CNTNAP2: variants seen among roughly 807,000 people sequenced by gnomAD.
CNTNAP2 encodes the protein contactin-associated protein-like 2.
CNTNAP2 carries 98 observed loss-of-function variants against 155.2 expected under a neutral mutation model. That is an observed-to-expected ratio of 0.63 (90% CI 0.54 to 0.75). The LOEUF is 0.75. Among genes scored for constraint, CNTNAP2 ranks in the 30% least tolerant of loss-of-function variants. The pLI is 0.00. For missense variants in CNTNAP2, 1,727 were observed against 1,688.1 expected (o/e 1.02, Z -0.40); for synonymous variants, 651 against 631.2 (o/e 1.03, Z -0.47).
intron 17 of CNTNAP2, among the ~76,000 whole-genome samples, chr7:148,165,081 G>A (rs1343477628): frequency 1.3e-5 from 2 of 152,148 alleles, no homozygotes; most frequent in African/African-American, 4.8e-5. Context: ...TGCCCTAACA[G>A]AATACCATAG....
intron 4 of CNTNAP2, among the ~76,000 whole-genome samples, chr7:147,096,780 G>A (rs1018543180): frequency 6.6e-6 from 1 of 152,172 alleles, no homozygotes; most frequent in East Asian, 1.9e-4. Flanking sequence ...GTGTGCAGGT[G>A]TCATGAAGTA....
At chr7:147,157,776 T>C (rs10085560) in intron 8 of CNTNAP2, among the ~76,000 whole-genome samples, 9,717 of 152,210 alleles carry the variant, frequency 0.064, 325 homozygotes, top group African/African-American at 0.086. Flanking sequence ...AATGAATGAA[T>C]AAATGGTATG....
chr7:147,536,915 A>G (rs565990007), intron 11 of CNTNAP2, among the ~76,000 whole-genome samples: 18 of 152,272 alleles, frequency 1.2e-4, no homozygotes, highest in African/African-American at 4.1e-4. Context: ...CCTCTTCTAA[A>G]GTCACATAAA....
chr7:146,791,230 G>C (rs868289733), intron 2 of CNTNAP2, among the ~76,000 whole-genome samples: 2 of 152,032 alleles, frequency 1.3e-5, no homozygotes, highest in South Asian at 4.1e-4. Context: ...TGAGAATGGC[G>C]GTTTCCAGCT....
intron 3 of CNTNAP2, among the ~76,000 whole-genome samples, chr7:147,016,095 A>G (rs207468756): frequency 2.0e-5 from 3 of 152,100 alleles, no homozygotes; most frequent in African/African-American, 7.2e-5. Context: ...ATAATTTTCT[A>G]TCTGAGTTCT....
chr7:146,766,397 G>T (rs764603695), intron 1 of CNTNAP2, among the ~76,000 whole-genome samples: 5 of 152,112 alleles, frequency 3.3e-5, no homozygotes, highest in Non-Finnish European at 7.4e-5. Context: ...AACATTTCAT[G>T]TAAATTCTTA....
chr7:147,588,217 A>G (rs200924743), intron 12 of CNTNAP2, among the ~76,000 whole-genome samples: 6 of 137,284 alleles, frequency 4.4e-5, no homozygotes, highest in Admixed American at 4.4e-4. Flanking sequence ...AAAACAAAAC[A>G]AAACGAAACA....
At chr7:146,716,903 T>A (rs1801197879) in intron 1 of CNTNAP2, among the ~76,000 whole-genome samples, 1 of 152,182 alleles carries the variant, frequency 6.6e-6, no homozygotes, top group Non-Finnish European at 1.5e-5. Flanking sequence ...GATAATAAAA[T>A]GTCTTTAATA....
At chr7:148,026,967 T>C (rs1802387634) in intron 15 of CNTNAP2, among the ~76,000 whole-genome samples, 2 of 152,194 alleles carry the variant, frequency 1.3e-5, no homozygotes, top group South Asian at 4.1e-4. Context: ...TTGTTGTTGT[T>C]GTTGTTTTTT....
intron 10 of CNTNAP2, among the ~76,000 whole-genome samples, chr7:147,441,813 TTCTC>T (rs568227936): frequency 0.036 from 3,652 of 102,088 alleles, 60 homozygotes; most frequent in Middle Eastern, 0.075. Flanking sequence ...TGTAGTCTCT[TTCTC>T]TCTCTCTCTC....
chr7:146,348,969 C>A (rs1054686810), intron 1 of CNTNAP2, among the ~76,000 whole-genome samples: 19 of 151,966 alleles, frequency 1.3e-4, no homozygotes, highest in African/African-American at 4.3e-4. Flanking sequence ...TATTACCCTT[C>A]CTTTTTATTG....
At chr7:147,758,499 G>A (rs1797250283) in intron 13 of CNTNAP2, among the ~76,000 whole-genome samples, 1 of 152,156 alleles carries the variant, frequency 6.6e-6, no homozygotes, top group South Asian at 2.1e-4. Context: ...AGTTGGGGTA[G>A]GGAGAGGTGA....
At chr7:148,002,724 G>A (rs545574258) in intron 15 of CNTNAP2, among the ~76,000 whole-genome samples, 28 of 152,178 alleles carry the variant, frequency 1.8e-4, no homozygotes, top group African/African-American at 6.0e-4. Flanking sequence ...TTCTTTGTAC[G>A]ACCTAAGCTC....
At chr7:148,237,250 A>G (rs536697445) in intron 20 of CNTNAP2, among the ~76,000 whole-genome samples, 30 of 152,348 alleles carry the variant, frequency 2.0e-4, no homozygotes, top group Admixed American at 1.8e-3. Flanking sequence ...TCTTTCCCAC[A>G]TAATAGTAAA....
At chr7:148,361,438 A>G (rs1421059832) in intron 21 of CNTNAP2, among the ~76,000 whole-genome samples, 1 of 152,138 alleles carries the variant, frequency 6.6e-6, no homozygotes, top group Non-Finnish European at 1.5e-5. Flanking sequence ...TCCGGAGCCC[A>G]GAGCTCTGAA....
intron 13 of CNTNAP2, among the ~76,000 whole-genome samples, chr7:147,769,299 G>A (rs1797430180): frequency 6.6e-6 from 1 of 152,102 alleles, no homozygotes; most frequent in Admixed American, 6.6e-5. Flanking sequence ...CTTCTGAACA[G>A]CACATACTAT....
intron 13 of CNTNAP2, among the ~76,000 whole-genome samples, chr7:147,864,581 G>T (rs1051251666): frequency 3.2e-4 from 48 of 152,152 alleles, no homozygotes; most frequent in Admixed American, 1.1e-3. Flanking sequence ...TCTTCCATTT[G>T]TTTGTGTCCT....
chr7:148,092,671 C>T (rs1454426141), intron 15 of CNTNAP2, among the ~76,000 whole-genome samples: 1 of 152,114 alleles, frequency 6.6e-6, no homozygotes, highest in Non-Finnish European at 1.5e-5. Context: ...AGCTTTTGTT[C>T]TCTCGATGTA....
chr7:148,118,151 C>T lies in CNTNAP2; in HGVS notation c.2417C>T (p.Pro806Leu), dbSNP rs1303206447. The T allele has an allele frequency of 1.9e-6, 3 of 1,614,168 alleles. No homozygotes were observed. Among genetic ancestry groups the T allele is most frequent in the Non-Finnish European group, 2.5e-6 (3 of 1,180,028 alleles). Residue 806 changes from proline to leucine, a missense_variant, in exon 16 of 24, where the codon CCA becomes CTA. By Grantham distance (98) the Pro-to-Leu change is moderately conservative. Transcript: ENST00000361727. ...NYWNAASFPN[P>L]SSYLHFSTFQ... Reference sequence around the variant, plus strand: ...TGGAATGCCGCCTCTTTCCCAAACCCATCCTCCTACCTGCACTTCTCTACT... The same window carrying T: ...TGGAATGCCGCCTCTTTCCCAAACCTATCCTCCTACCTGCACTTCTCTACT...
Sources: gnomAD v4.1 joint callset for allele counts (sites outside exome capture counted in the v4.1 genomes callset) on GRCh38, gnomAD v4.1.1 for gene constraint, MANE v1.5 for transcripts, NCBI Gene and HGNC (gene_info 2026-07-23, HGNC 2026-07-21) for gene names.